Variants in FSTL4 observed in about 807,000 individuals in gnomAD.
FSTL4 encodes follistatin like 4.
Under a neutral mutation model 78.2 loss-of-function variants are expected in FSTL4, and 28 were observed. That is an observed-to-expected ratio of 0.36 (90% CI 0.27 to 0.49). The LOEUF is 0.49. Ranked by LOEUF, FSTL4 falls within the 20% of genes least tolerant of loss-of-function variation. The probability of loss-of-function intolerance (pLI) is 0.98; values close to 1 mark genes in which losing one functional copy is unlikely to be tolerated. For synonymous variants in FSTL4, 422 were observed against 440.5 expected (o/e 0.96, Z 0.53); for missense variants, 922 against 1,084.9 (o/e 0.85, Z 2.11).
At chr5:133,286,245 A>G (rs138838092) in intron 6 of FSTL4, among the ~76,000 whole-genome samples, 4,618 of 152,342 alleles carry the variant, frequency 0.03, 89 homozygotes, top group Non-Finnish European at 0.048. Flanking sequence ...AATGGGACTC[A>G]GAATCTGCCT....
chr5:133,400,326 G>A (rs1756188725), intron 4 of FSTL4, among the ~76,000 whole-genome samples: 1 of 152,188 alleles, frequency 6.6e-6, no homozygotes, highest in African/African-American at 2.4e-5. Context: ...ACATTGCGCT[G>A]GTGTCTGCCT....
chr5:133,579,221 C>A (rs1302202723), intron 2 of FSTL4, among the ~76,000 whole-genome samples: 7 of 152,196 alleles, frequency 4.6e-5, no homozygotes, highest in Non-Finnish European at 8.8e-5. Context: ...CAGCGCCTGG[C>A]GTAGCGTAGG....
At chr5:133,808,460 C>T in the FSTL4 span, among the ~76,000 whole-genome samples, 6 of 152,186 alleles carry the variant, frequency 3.9e-5, no homozygotes, top group Admixed American at 3.9e-4. Context: ...GTCATCTTGT[C>T]CTCAAACCCA....
At chr5:133,437,941 A>T (rs1480322962) in intron 3 of FSTL4, among the ~76,000 whole-genome samples, 1 of 151,542 alleles carries the variant, frequency 6.6e-6, no homozygotes, top group Non-Finnish European at 1.5e-5. Context: ...TATTGTCTTC[A>T]GCTTTGTGGG....
rs1253888788 is a variant in FSTL4, at chr5:133,611,209, G to C, written c.-11+1116C>G. Among the ~76,000 whole-genome samples, 6 of 152,060 alleles carry C rather than the reference G, an allele frequency of 3.9e-5. No homozygotes were observed. Among genetic ancestry groups the C allele is most frequent in the Non-Finnish European group, 7.4e-5 (5 of 67,986 alleles). On this transcript the variant is annotated intron_variant, in intron 1 of 15. Transcript: ENST00000265342. This position sits in a 1 kb window ranked among gnomAD's most constrained non-coding sequence, Gnocchi z 4.9. The stretch of plus-strand genomic sequence containing the variant: ...GCACCCGCTCTCGAGCCGCGACACC[G>C]ACCTCGCCGGGCCCGCCCCGCTGAC...
At chr5:133,277,030 G>A (rs1752898400) in intron 6 of FSTL4, among the ~76,000 whole-genome samples, 1 of 152,220 alleles carries the variant, frequency 6.6e-6, no homozygotes, top group African/African-American at 2.4e-5. Flanking sequence ...CAGGGTAATA[G>A]GCTGGGCGCG....
chr5:133,325,448 C>G (rs549493612), intron 4 of FSTL4, among the ~76,000 whole-genome samples: 1 of 152,276 alleles, frequency 6.6e-6, no homozygotes, highest in South Asian at 2.1e-4. Context: ...CAGGAGTCCC[C>G]CTTTGAAGAA....
chr5:133,350,513 C>T (rs1392320275), intron 4 of FSTL4, among the ~76,000 whole-genome samples: 1 of 152,232 alleles, frequency 6.6e-6, no homozygotes, highest in Non-Finnish European at 1.5e-5. Context: ...CTTAAGGTTT[C>T]TCTCAAGGTT....
intron 8 of FSTL4, among the ~76,000 whole-genome samples, chr5:133,230,708 A>G (rs1751468141): frequency 6.6e-6 from 1 of 151,910 alleles, no homozygotes; most frequent in African/African-American, 2.4e-5. Context: ...CCAACTCTCT[A>G]CTGGGGATCA....
the FSTL4 span, among the ~76,000 whole-genome samples, chr5:133,782,532 C>G: frequency 6.6e-6 from 1 of 152,242 alleles, no homozygotes; most frequent in African/African-American, 2.4e-5. Context: ...AGGCATCTGA[C>G]CCAGCCAGGC....
chr5:133,744,707 G>A, the FSTL4 span, among the ~76,000 whole-genome samples: 1 of 152,092 alleles, frequency 6.6e-6, no homozygotes, highest in African/African-American at 2.4e-5. Context: ...CTGCCATTCA[G>A]GTTGAATGCA....
the FSTL4 span, among the ~76,000 whole-genome samples, chr5:133,642,055 C>A: frequency 6.6e-6 from 1 of 152,136 alleles, no homozygotes; most frequent in Admixed American, 6.6e-5. Context: ...AGGCAGACAT[C>A]ACACTTCCAG....
At chr5:133,624,362 A>G in the FSTL4 span, among the ~76,000 whole-genome samples, 1 of 152,030 alleles carries the variant, frequency 6.6e-6, no homozygotes, top group African/African-American at 2.4e-5. Flanking sequence ...CACATATTAT[A>G]TAATTCTTTT....
At chr5:133,232,959 G>A (rs531162291) in intron 8 of FSTL4, among the ~76,000 whole-genome samples, 1 of 152,366 alleles carries the variant, frequency 6.6e-6, no homozygotes, top group South Asian at 2.1e-4. Context: ...CCTGGGGAGG[G>A]AGACGGACAC....
intron 4 of FSTL4, among the ~76,000 whole-genome samples, chr5:133,339,176 G>T (rs35521737): frequency 0.15 from 22,747 of 152,126 alleles, 1,929 homozygotes; most frequent in East Asian, 0.36. Context: ...CTAGAATCTT[G>T]CCCCCGCCCC....
chr5:133,285,262 G>T (rs567634578), intron 6 of FSTL4, among the ~76,000 whole-genome samples: 1 of 152,204 alleles, frequency 6.6e-6, no homozygotes, highest in Non-Finnish European at 1.5e-5. Context: ...GAAGAGAAGC[G>T]AGAAGACAAA....
At chr5:133,505,639 CTCTG>C (rs1309589989) in intron 3 of FSTL4, among the ~76,000 whole-genome samples, 2 of 152,216 alleles carry the variant, frequency 1.3e-5, no homozygotes, top group Non-Finnish European at 2.9e-5. Flanking sequence ...GGAATAAATT[CTCTG>C]TCTTATTCCT....
At chr5:133,826,054 G>A in the FSTL4 span, among the ~76,000 whole-genome samples, 9 of 152,234 alleles carry the variant, frequency 5.9e-5, no homozygotes, top group Admixed American at 2.6e-4. Context: ...TGAGAAGCAG[G>A]CAACTTCTGA....
the FSTL4 span, among the ~76,000 whole-genome samples, chr5:133,698,280 A>G: frequency 6.6e-6 from 1 of 152,196 alleles, no homozygotes; most frequent in Admixed American, 6.5e-5. Flanking sequence ...GCTTCCAGAG[A>G]TGGCAGGAGA....
Sources: gnomAD v4.1 joint callset for allele counts (sites outside exome capture counted in the v4.1 genomes callset) on GRCh38, gnomAD v4.1.1 for gene constraint, Gnocchi (gnomAD v3.1) non-coding constraint, MANE v1.5 for transcripts, NCBI Gene and HGNC (gene_info 2026-07-23, HGNC 2026-07-21) for gene names.